Variants in CDH4 observed in about 807,000 individuals in gnomAD.
The protein encoded by CDH4 is cadherin-4.
A neutral mutation model predicts 86.0 loss-of-function variants in CDH4; 33 were observed. The observed-to-expected ratio is 0.38, with a 90% CI of 0.29 to 0.51. The LOEUF (loss-of-function observed/expected upper bound fraction) is 0.51, where lower values mean the gene tolerates loss of function less well. Ranked by LOEUF, CDH4 falls within the 20% of genes least tolerant of loss-of-function variation. The pLI is 0.86. For synonymous variants in CDH4, 555 were observed against 549.4 expected (o/e 1.01, Z -0.14); for missense variants, 1,114 against 1,307.4 (o/e 0.85, Z 2.28).
chr20:61,863,948 CGGGTG>C (rs1255537898), intron 6 of CDH4, among the ~76,000 whole-genome samples: 1 of 25,894 alleles, frequency 3.9e-5, no homozygotes, highest in Non-Finnish European at 2.7e-3. Flanking sequence ...AGCCCTTGGG[CGGGTG>C]GACTGGAGCC....
intron 2 of CDH4, among the ~76,000 whole-genome samples, chr20:61,449,785 G>A (rs561079267): frequency 6.6e-5 from 10 of 152,290 alleles, no homozygotes; most frequent in South Asian, 2.1e-4. Flanking sequence ...CAATGTACCC[G>A]TATACTGAGG....
At chr20:61,901,216 G>GGGCAGGGGC in intron 8 of CDH4, among the ~76,000 whole-genome samples, 1 of 73,570 alleles carries the variant, frequency 1.4e-5, no homozygotes, top group Non-Finnish European at 3.4e-5. Flanking sequence ...GCAGGAGCAG[G>GGGCAGGGGC]AGGAGTAGGG....
At position 61,273,013 on chromosome 20, in the gene CDH4, G is replaced by A. The variant is rs529008612; in HGVS notation, c.169+18076G>A. ...CCGTGTGCAGTTTGGGGGAGTATTG[G>A]GGGAGTACCATGTGCAGTTTGGGGG... On this transcript the variant is annotated intron_variant, in intron 2 of 15. Transcript: ENST00000614565. Among the ~76,000 whole-genome samples, 61 of 64,800 alleles carry A rather than the reference G, an allele frequency of 9.4e-4. 1 individual carries two copies. The highest frequency in any genetic ancestry group is 4.1e-3 in the African/African-American group (59 of 14,362). The allele number at this position is 64,800 out of a possible 152,430, so 42.5% of individuals were successfully genotyped here. A position where few individuals can be genotyped will look rare whatever the true frequency, so the allele number is the denominator to read the frequency against.
chr20:61,648,278 G>A (rs2087086454), intron 2 of CDH4, among the ~76,000 whole-genome samples: 1 of 152,238 alleles, frequency 6.6e-6, no homozygotes, highest in African/African-American at 2.4e-5. Flanking sequence ...TCAGTAGGGA[G>A]GAAGAAGGGT....
chr20:61,342,151 T>C (rs1178943280), intron 2 of CDH4, among the ~76,000 whole-genome samples: 1 of 152,192 alleles, frequency 6.6e-6, no homozygotes, highest in East Asian at 1.9e-4. Context: ...CTGTATGACT[T>C]AGACCAGCGG....
At chr20:61,348,407 T>G (rs2084691741) in intron 2 of CDH4, among the ~76,000 whole-genome samples, 1 of 152,156 alleles carries the variant, frequency 6.6e-6, no homozygotes, top group African/African-American at 2.4e-5. Flanking sequence ...ATGGGAATTA[T>G]GGGAGCTACA....
At chr20:61,282,573 ATGTC>A (rs2084265529) in intron 2 of CDH4, among the ~76,000 whole-genome samples, 2 of 133,926 alleles carry the variant, frequency 1.5e-5, no homozygotes, top group African/African-American at 2.7e-5. Context: ...GTGTGTGTGT[ATGTC>A]TATCTGTACT....
intron 2 of CDH4, among the ~76,000 whole-genome samples, chr20:61,725,731 CACAAGGG>C (rs1466473599): frequency 6.6e-6 from 1 of 151,606 alleles, no homozygotes; most frequent in Non-Finnish European, 1.5e-5. Flanking sequence ...TGCAGAGAGA[CACAAGGG>C]GGGAGGAGGC....
At chr20:61,717,323 C>T (rs1052803235) in intron 2 of CDH4, among the ~76,000 whole-genome samples, 2 of 152,206 alleles carry the variant, frequency 1.3e-5, no homozygotes, top group African/African-American at 2.4e-5. Flanking sequence ...GAGAGTGGCC[C>T]AGTACTGGGC....
chr20:61,333,260 C>T (rs2084594393), intron 2 of CDH4, among the ~76,000 whole-genome samples: 2 of 85,822 alleles, frequency 2.3e-5, no homozygotes, highest in South Asian at 7.9e-4. Context: ...TGCACACACA[C>T]ATGTACACAC....
intron 2 of CDH4, among the ~76,000 whole-genome samples, chr20:61,495,049 G>A (rs1250567546): frequency 6.6e-6 from 1 of 152,250 alleles, no homozygotes; most frequent in African/African-American, 2.4e-5. Flanking sequence ...TCAAGGTTCA[G>A]GGGCCCATGG....
chr20:61,937,249 G>GAAAAGA lies in CDH4; in HGVS notation c.*310_*311insGAAAAA, dbSNP rs2055205437. On this transcript the variant is annotated 3_prime_UTR_variant, in exon 16 of 16. Transcript: ENST00000614565. ...AAAAAAAAAAAAAAGAAGAAAGAAA[G>GAAAAGA]AAAAAAAAAAAAAAAAGAAAGTGCC... 1 of 109,710 alleles carries GAAAAGA rather than the reference G, an allele frequency of 9.1e-6. No individual in the cohort carries two copies. The highest frequency in any genetic ancestry group is 3.4e-5 in the African/African-American group (1 of 29,108). 6.8% of individuals were successfully genotyped at this position (109,710 alleles called of 1,614,324 possible). A position where few individuals can be genotyped will look rare whatever the true frequency, so the allele number is the denominator to read the frequency against.
At chr20:61,633,740 G>T (rs768974869) in intron 2 of CDH4, among the ~76,000 whole-genome samples, 26 of 152,220 alleles carry the variant, frequency 1.7e-4, no homozygotes, top group Non-Finnish European at 3.4e-4. Context: ...GTTTTGGGGA[G>T]AACTGACGAG....
At chr20:61,567,365 G>T (rs1463662777) in intron 2 of CDH4, among the ~76,000 whole-genome samples, 2 of 152,226 alleles carry the variant, frequency 1.3e-5, no homozygotes, top group African/African-American at 4.8e-5. Flanking sequence ...TCCAAGGTCA[G>T]AGAACCAGCA....
rs1290383965 is a variant in CDH4 at position 61,677,691 on chromosome 20, GGACA to G, written c.170-65868_170-65865del. Among the ~76,000 whole-genome samples, 178 of 151,460 alleles carry G rather than the reference GGACA, an allele frequency of 1.2e-3. 1 individual carries two copies. Among genetic ancestry groups the G allele is most frequent in the Middle Eastern group, 3.4e-3 (1 of 292 alleles). On this transcript the variant is annotated intron_variant, in intron 2 of 15. Coordinates refer to ENST00000614565, the MANE Select transcript of CDH4 (RefSeq NM_001794.5). ...TGGGTGGGTGGACAGACGGACGGACGGACAGACGGACGGATGGATGGATGATAGA... is the reference window on the plus strand; with the variant it reads ...TGGGTGGGTGGACAGACGGACGGACGGACGGACGGATGGATGGATGATAGA...
At chr20:61,381,920 C>CA (rs375614775) in intron 2 of CDH4, among the ~76,000 whole-genome samples, 36,401 of 150,766 alleles carry the variant, frequency 0.24, 4,771 homozygotes, top group African/African-American at 0.34. Context: ...ACTAAAAATA[C>CA]AAAAGATTAG....
chr20:61,595,896 C>T (rs1465398238), intron 2 of CDH4, among the ~76,000 whole-genome samples: 2 of 152,226 alleles, frequency 1.3e-5, no homozygotes, highest in Non-Finnish European at 2.9e-5. Flanking sequence ...CACGGCTTCC[C>T]ATAAAACCCT....
At chr20:61,533,409 A>G (rs2085970862) in intron 2 of CDH4, among the ~76,000 whole-genome samples, 1 of 152,212 alleles carries the variant, frequency 6.6e-6, no homozygotes, top group African/African-American at 2.4e-5. Context: ...TGCGTCGCCC[A>G]AGTCCTGCTG....
In CDH4 at chr20:61,743,594, G is replaced by A. The variant is rs548726503; in HGVS notation, c.201G>A (p.Gly67=). 1 of 1,575,320 alleles carries A rather than the reference G, an allele frequency of 6.3e-7. No homozygotes were observed. Among genetic ancestry groups the A allele is most frequent in the African/African-American group, 1.3e-5 (1 of 74,404 alleles). ...VKFSSCVGTK[G]TQYETNSMDF... The stretch of plus-strand genomic sequence containing the variant: ...TCAGCAGCTGTGTGGGGACCAAGGG[G>A]ACACAATATGAGACCAACAGCATGG... Residue 67 remains glycine, a synonymous_variant, in exon 3 of 16, where the codon GGG becomes GGA. Transcript: ENST00000614565.
Sources: gnomAD v4.1 joint callset for allele counts (sites outside exome capture counted in the v4.1 genomes callset) on GRCh38, gnomAD v4.1.1 for gene constraint, MANE v1.5 for transcripts, NCBI Gene and HGNC (gene_info 2026-07-23, HGNC 2026-07-21) for gene names.